Variants in RHPN1 observed in about 807,000 individuals in gnomAD.
The protein encoded by RHPN1 is rhophilin-1.
RHPN1 carries 77 observed loss-of-function variants against 74.7 expected under a neutral mutation model. The observed-to-expected ratio is 1.03, with a 90% CI of 0.86 to 1.25. RHPN1 has a LOEUF of 1.25. Ranked by LOEUF, RHPN1 falls within the 50% of genes most tolerant of loss-of-function variation. RHPN1 has a pLI of 0.00. For missense variants in RHPN1, 987 were observed against 932.2 expected, an observed-to-expected ratio of 1.06 and a Z score of -0.77; for synonymous variants, 444 against 414.5, an observed-to-expected ratio of 1.07 and a Z score of -0.87.
At position 143,381,258 on chromosome 8, in the gene RHPN1, A is replaced by G. The variant is rs1484885814; in HGVS notation, c.1412-10A>G. On this transcript the variant is annotated splice_polypyrimidine_tract_variant and intron_variant, in intron 11 of 14. Coordinates refer to ENST00000289013, the MANE Select transcript of RHPN1 (RefSeq NM_052924.3). ...TCTCCCAGCTTAGCTCTGCTCTTAC[A>G]CCCTCTCAGCTAAGACCCACCAGAA... 1.9e-6 allele frequency: 3 copies of G among 1,610,770 alleles called. No individual in the cohort carries two copies. The highest frequency in any genetic ancestry group is 1.7e-6 in the Non-Finnish European group (2 of 1,178,228).
At chr8:143,364,544 T>C (rs1021829530), upstream of RHPN1, among the ~76,000 whole-genome samples, 3 of 151,492 alleles carry the variant, frequency 2.0e-5, no homozygotes, top group Non-Finnish European at 1.5e-5. This position sits in a 1 kb window ranked among gnomAD's most constrained non-coding sequence, Gnocchi z 4.5. Flanking sequence ...TTTGTCCCCA[T>C]GTGGCTCCTT....
At chr8:143,366,134 A>AT (rs1275376896), upstream of RHPN1, among the ~76,000 whole-genome samples, 4 of 84,604 alleles carry the variant, frequency 4.7e-5, no homozygotes, top group Non-Finnish European at 9.5e-5. Context: ...CCCTGTCTCA[A>AT]TTTTTTTTTC....
Position 143,368,905 on chromosome 8 carries a change from G to A in RHPN1, c.-83G>A. 3 of 1,097,128 alleles carry A rather than the reference G, an allele frequency of 2.7e-6. No individual in the cohort carries two copies. Among genetic ancestry groups the A allele is most frequent in the South Asian group, 2.3e-5 (1 of 43,574 alleles). The allele number at this position is 1,097,128 out of a possible 1,614,324, so 68.0% of individuals were successfully genotyped here. ...AGGAGCCCGCGGCCCAGGTGGTGCG[G>A]GCGGCCCTAGCCCGGCTGCGGAGCG... On this transcript the variant is annotated 5_prime_UTR_variant, in exon 1 of 15. Coordinates refer to ENST00000289013, the MANE Select transcript of RHPN1 (RefSeq NM_052924.3).
At chr8:143,378,370 A>ACCCCCCCCCCCCCCCCCC in intron 5 of RHPN1, 24 bp downstream of exon 5, 1 of 764,066 alleles carries the variant, frequency 1.3e-6, no homozygotes, top group South Asian at 1.7e-5. Context: ...CCGCCCACCC[A>ACCCCCCCCCCCCCCCCCC]CCCTCCTGCA....
Position 143,382,749 on chromosome 8 carries a change from C to A in RHPN1, c.*98C>A. On this transcript the variant is annotated 3_prime_UTR_variant, in exon 15 of 15. Transcript: ENST00000289013. ...GAGGACCTCCGGGCAATGCCTGTCC[C>A]GCCTCATGCTGGAGGCTGCCTCGGG... is the stretch of plus-strand genomic sequence containing the variant. 1 of 1,065,286 alleles carries A rather than the reference C, an allele frequency of 9.4e-7. No individual in the cohort carries two copies. The highest frequency in any genetic ancestry group is 1.5e-5 in the South Asian group (1 of 65,392). The allele number at this position is 1,065,286 out of a possible 1,614,324, so 66.0% of individuals were successfully genotyped here.
rs1455213587 is a variant in RHPN1 at position 143,368,987 on chromosome 8, G to A, written c.-1G>A. On this transcript the variant is annotated 5_prime_UTR_variant, in exon 1 of 15. Transcript: ENST00000289013. ...GGACCCCCAGCGCAGCGGGTGCGGCGATGATCCTGGAGGAGAGGCCGGACG... is the reference window on the plus strand; with the variant it reads ...GGACCCCCAGCGCAGCGGGTGCGGCAATGATCCTGGAGGAGAGGCCGGACG... 11 of 1,482,030 alleles carry A rather than the reference G, an allele frequency of 7.4e-6. No homozygotes were observed. The highest frequency in any genetic ancestry group is 9.8e-6 in the Non-Finnish European group (11 of 1,124,206). 91.8% of individuals were successfully genotyped at this position (1,482,030 alleles called of 1,614,324 possible). A position where few individuals can be genotyped will look rare whatever the true frequency, so the allele number is the denominator to read the frequency against.
At position 143,379,345 on chromosome 8, in the gene RHPN1, C is replaced by G. The variant is rs1818525091; in HGVS notation, c.782C>G (p.Ser261Cys). ...TTCAGCCTCCTGAGGGAGAACTTCT[C>G]CCATGCGCCGAGCCCAGACATGAGC... ...GAFSLLRENF[S>C]HAPSPDMSAA... Residue 261 changes from serine (S) to cysteine (C), a missense_variant, in exon 8 of 15, where the codon TCC becomes TGC. Ser to Cys is a moderately radical substitution (Grantham distance 112). Transcript: ENST00000289013. 1 of 1,601,236 alleles carries G rather than the reference C, an allele frequency of 6.2e-7. No individual in the cohort carries two copies. The highest frequency in any genetic ancestry group is 1.7e-5 in the Admixed American group (1 of 59,226).
At position 143,380,042 on chromosome 8, in the gene RHPN1, A is replaced by G; in HGVS notation, c.1103-20A>G. 6.5e-7 allele frequency: 1 copy of G among 1,546,360 alleles called. No individual in the cohort carries two copies. On this transcript the variant is annotated intron_variant, in intron 9 of 14. Coordinates refer to ENST00000289013, the MANE Select transcript of RHPN1 (RefSeq NM_052924.3). ...GCCAAGGCCCCCCCGCGCAGGGCTC[A>G]CAGCCTCTCTGTCCCCCAGCAGCGA...
chr8:143,380,858 C>A, intron 11 of RHPN1, 75 bp downstream of exon 11: 2 of 1,211,286 alleles, frequency 1.7e-6, no homozygotes, highest in Admixed American at 2.9e-5. Context: ...GAAAGGGAGG[C>A]TGATTGCATT....
At chr8:143,369,120 C>A in intron 1 of RHPN1, 73 bp downstream of exon 1, 1 of 1,217,836 alleles carries the variant, frequency 8.2e-7, no homozygotes, top group Non-Finnish European at 1.1e-6. Context: ...CCTCGAGGCG[C>A]GTTCCGGGCG....
intron 7 of RHPN1, 106 bp from the exon 8 acceptor site, chr8:143,379,209 C>A: frequency 1.4e-6 from 2 of 1,388,340 alleles, no homozygotes; most frequent in Non-Finnish European, 1.9e-6. Flanking sequence ...CACATCAGGT[C>A]CATATGTGTC....
chr8:143,372,894 T>G (rs1479388495), intron 1 of RHPN1, among the ~76,000 whole-genome samples: 6 of 33,944 alleles, frequency 1.8e-4, no homozygotes, highest in South Asian at 1.6e-3. Context: ...TTCCAGGGGA[T>G]GGTGCAGGGG....
chr8:143,377,564 G>A (rs535500258), intron 4 of RHPN1, 109 bp downstream of exon 4: 10 of 740,174 alleles, frequency 1.4e-5, no homozygotes, highest in Non-Finnish European at 2.2e-5. Flanking sequence ...GGAAACTGAG[G>A]CCCAGAGGGA....
chr8:143,369,145 C>G, intron 1 of RHPN1, 98 bp downstream of exon 1: 1 of 910,274 alleles, frequency 1.1e-6, no homozygotes, highest in Non-Finnish European at 1.5e-6. Flanking sequence ...CCTCCTACGT[C>G]TCATTCGGCC....
In RHPN1 at chr8:143,381,695, G is replaced by A. The variant is rs368977898; in HGVS notation, c.1612G>A (p.Val538Ile). The A allele has an allele frequency of 2.5e-5, 41 of 1,611,066 alleles. No individual in the cohort carries two copies. The highest frequency in any genetic ancestry group is 1.6e-4 in the Middle Eastern group (1 of 6,078). Residue 538 changes from valine (V) to isoleucine (I), a missense_variant, in exon 13 of 15, where the codon GTC becomes ATC. Physicochemically the swap from Val to Ile is conservative, Grantham distance 29. Coordinates refer to ENST00000289013, the MANE Select transcript of RHPN1 (RefSeq NM_052924.3). ...RGDSPVLIAAVIPGSQAAAAG... is the reference protein window; with the variant it reads ...RGDSPVLIAAIIPGSQAAAAG... ...AGACTCGCCTGTCCTCATCGCTGCCGTCATTCCAGGGAGCCAGGCCGCGGT... is the reference window on the plus strand; with the variant it reads ...AGACTCGCCTGTCCTCATCGCTGCCATCATTCCAGGGAGCCAGGCCGCGGT...
intron 1 of RHPN1, among the ~76,000 whole-genome samples, chr8:143,375,069 G>A (rs139207837): frequency 6.6e-6 from 1 of 152,222 alleles, no homozygotes; most frequent in Non-Finnish European, 1.5e-5. Flanking sequence ...TGTCCTTTGA[G>A]CCCACGCCTA....
intron 11 of RHPN1, 29 bp downstream of exon 11, chr8:143,380,812 T>C (rs1426494435): frequency 2.0e-6 from 3 of 1,497,842 alleles, no homozygotes; most frequent in African/African-American, 2.8e-5. Context: ...TCTGGGTGGC[T>C]GCATCCCTGG....
rs1284942042 is a variant in RHPN1 at position 143,379,087 on chromosome 8, G to A, written c.751+9G>A. ...CTTCCAGAGGGCCGCTGGTGAGGGC[G>A]GCCCGGGCCGCGGTGGGGCACGGCG... is the stretch of plus-strand genomic sequence containing the variant. On this transcript the variant is annotated intron_variant, in intron 7 of 14. Coordinates refer to ENST00000289013, the MANE Select transcript of RHPN1 (RefSeq NM_052924.3). The A allele has an allele frequency of 1.4e-5, 21 of 1,485,948 alleles. No homozygotes were observed. The highest frequency in any genetic ancestry group is 7.1e-5 in the African/African-American group (5 of 70,722). The allele number at this position is 1,485,948 out of a possible 1,614,324, so 92.0% of individuals were successfully genotyped here. A position where few individuals can be genotyped will look rare whatever the true frequency, so the allele number is the denominator to read the frequency against.
rs200736612 is a variant in RHPN1 at position 143,376,652 on chromosome 8, A to C, written c.304A>C (p.Ser102Arg). Residue 102 changes from serine (S) to arginine (R), a missense_variant and splice_region_variant, in exon 3 of 15, where the codon AGC (serine) becomes CGC (arginine). By Grantham distance (110) the Ser-to-Arg change is moderately radical. Transcript: ENST00000289013. ...TGGCGTGGACCCTGGCCGGCATGGG[A>C]GGTGCGGGTGGGGGCCGGGACAGCA... is the stretch of plus-strand genomic sequence containing the variant. ...SGGVDPGRHG[S>R]EAVTVPMIPL... 1.9e-4 allele frequency: 304 copies of C among 1,563,030 alleles called. No homozygotes were observed. The African/African-American group carries it at 4.0e-3, about 20-fold the overall frequency.
Sources: allele counts gnomAD v4.1 joint callset (sites outside exome capture counted in the v4.1 genomes callset), GRCh38; gene constraint gnomAD v4.1.1; non-coding constraint Gnocchi (gnomAD v3.1); transcripts MANE v1.5; gene names NCBI Gene and HGNC (gene_info 2026-07-23, HGNC 2026-07-21).